Variants in PAM observed in about 807,000 individuals in gnomAD.
The protein encoded by PAM is peptidyl-glycine alpha-amidating monooxygenase.
Under a neutral mutation model 122.1 loss-of-function variants are expected in PAM, and 72 were observed. That is an observed-to-expected ratio of 0.59 (90% CI 0.49 to 0.72). The LOEUF (loss-of-function observed/expected upper bound fraction) is 0.72, where lower values mean the gene tolerates loss of function less well. Ranked by LOEUF, PAM falls within the 30% of genes least tolerant of loss-of-function variation. The pLI is 0.00. For synonymous variants in PAM, 389 were observed against 404.4 expected (o/e 0.96, Z 0.46); for missense variants, 1,106 against 1,183.7 (o/e 0.93, Z 0.96).
chr5:102,877,952 C>T (rs1253390503), intron 3 of PAM, among the ~76,000 whole-genome samples: 1 of 151,784 alleles, frequency 6.6e-6, no homozygotes, highest in African/African-American at 2.4e-5. Flanking sequence ...CTCTTGAGCC[C>T]AGGGAGTTGA....
intron 7 of PAM, among the ~76,000 whole-genome samples, chr5:102,944,078 AATT>A (rs1342616487): frequency 6.6e-6 from 1 of 152,166 alleles, no homozygotes; most frequent in African/African-American, 2.4e-5. Flanking sequence ...TCTTTTTAAA[AATT>A]ATTATTTCAA....
At chr5:102,850,264 C>T (rs1781037865) in intron 1 of PAM, among the ~76,000 whole-genome samples, 2 of 151,860 alleles carry the variant, frequency 1.3e-5, no homozygotes, top group African/African-American at 2.4e-5. Flanking sequence ...GTTTTTTAGC[C>T]CTTAGCAAAC....
intron 1 of PAM, among the ~76,000 whole-genome samples, chr5:102,855,552 T>C (rs899678710): frequency 1.3e-5 from 2 of 152,198 alleles, no homozygotes; most frequent in Non-Finnish European, 2.9e-5. Flanking sequence ...TATAGACTTT[T>C]AAAGAAAGAG....
chr5:102,885,067 A>G (rs1561760227), intron 3 of PAM, among the ~76,000 whole-genome samples: 1 of 151,476 alleles, frequency 6.6e-6, no homozygotes, highest in African/African-American at 2.4e-5. Context: ...CACTTTAGCA[A>G]CCTTGTTTAA....
In PAM at chr5:102,876,099, C is replaced by G. The variant is rs533101366; in HGVS notation, c.210+8706C>G. Among the ~76,000 whole-genome samples, 32 of 152,256 alleles carry G rather than the reference C, an allele frequency of 2.1e-4. No homozygotes were observed. The East Asian group carries it at 6.0e-3, about 28-fold the overall frequency. On this transcript the variant is annotated intron_variant, in intron 3 of 25. Coordinates refer to ENST00000438793, the MANE Select transcript of PAM (RefSeq NM_001177306.2). Reference sequence around the variant, plus strand: ...CTCTCCACCTCACTAGATGGCAATTCCCGTGGTATAATTTCTCTCGGCCAA... The same window carrying G: ...CTCTCCACCTCACTAGATGGCAATTGCCGTGGTATAATTTCTCTCGGCCAA...
At chr5:102,984,278 C>T (rs1330909438) in intron 15 of PAM, among the ~76,000 whole-genome samples, 3 of 152,200 alleles carry the variant, frequency 2.0e-5, no homozygotes, top group Non-Finnish European at 4.4e-5. Flanking sequence ...TTAAGTTTCT[C>T]ACTTATATAG....
At chr5:102,910,007 G>C (rs912788483) in intron 4 of PAM, among the ~76,000 whole-genome samples, 10 of 151,748 alleles carry the variant, frequency 6.6e-5, no homozygotes, top group African/African-American at 2.2e-4. Context: ...ATTTAGAGCT[G>C]GTTATATATA....
At chr5:102,824,620 T>G (rs1220749411) in intron 1 of PAM, among the ~76,000 whole-genome samples, 1 of 152,230 alleles carries the variant, frequency 6.6e-6, no homozygotes, top group Non-Finnish European at 1.5e-5. Flanking sequence ...GTTACTCACA[T>G]TACTCTGTTT....
intron 3 of PAM, among the ~76,000 whole-genome samples, chr5:102,889,056 A>G (rs1471863554): frequency 1.3e-5 from 2 of 151,990 alleles, no homozygotes; most frequent in African/African-American, 2.4e-5. Flanking sequence ...TTTTTAAAAT[A>G]CTAAGAACTG....
chr5:102,794,640 A>G (rs970316025), intron 1 of PAM, among the ~76,000 whole-genome samples: 10 of 152,196 alleles, frequency 6.6e-5, no homozygotes, highest in African/African-American at 2.4e-4. Context: ...TGCTGATTCC[A>G]CCACCAAAAA....
intron 5 of PAM, among the ~76,000 whole-genome samples, chr5:102,922,590 C>A (rs1337080474): frequency 2.0e-5 from 3 of 152,162 alleles, no homozygotes. Flanking sequence ...ATGACATAAT[C>A]AAATGTATAA....
At chr5:102,905,524 A>G (rs1042658646) in intron 4 of PAM, among the ~76,000 whole-genome samples, 1 of 151,738 alleles carries the variant, frequency 6.6e-6, no homozygotes, top group African/African-American at 2.4e-5. Context: ...CTTAAAGCAC[A>G]TGATCAAGTG....
chr5:102,811,226 T>TA lies in PAM; in HGVS notation c.-373-54596dup, dbSNP rs542332798. On this transcript the variant is annotated intron_variant, in intron 1 of 25. Transcript: ENST00000438793. ...CTTAAAAAGTACAAATTTATTATCT[T>TA]ACAGTTCTCTTGGTTACAAGTCTGA... 1.6e-4 allele frequency among the ~76,000 whole-genome samples: 24 copies of TA among 152,346 alleles called. No homozygotes were observed. The East Asian group carries it at 3.3e-3, about 21-fold the overall frequency.
chr5:102,849,354 C>T (rs944762119), intron 1 of PAM, among the ~76,000 whole-genome samples: 5 of 151,926 alleles, frequency 3.3e-5, no homozygotes, highest in African/African-American at 9.7e-5. Flanking sequence ...GTCAGGAGAT[C>T]GAGACCATCC....
At chr5:102,998,422 T>C (rs1428568490) in intron 16 of PAM, among the ~76,000 whole-genome samples, 3 of 152,174 alleles carry the variant, frequency 2.0e-5, no homozygotes, top group Non-Finnish European at 4.4e-5. Context: ...GCATTTGGAC[T>C]GCCACTATTA....
chr5:102,813,666 T>C (rs903186694), intron 1 of PAM, among the ~76,000 whole-genome samples: 2 of 152,178 alleles, frequency 1.3e-5, no homozygotes, highest in African/African-American at 2.4e-5. Context: ...TTTACTTTAA[T>C]TTGTGGAATG....
At chr5:102,938,915 G>A (rs1455604364) in intron 7 of PAM, among the ~76,000 whole-genome samples, 1 of 151,986 alleles carries the variant, frequency 6.6e-6, no homozygotes, top group African/African-American at 2.4e-5. Context: ...CTCTCTTCAT[G>A]GCCCTGACAT....
At chr5:103,028,319 T>A (rs1251582687) in intron 25 of PAM, 81 bp downstream of exon 25, 4 of 1,014,396 alleles carry the variant, frequency 3.9e-6, no homozygotes, top group Non-Finnish European at 6.1e-6. Flanking sequence ...AAGGAGATAT[T>A]TCATATTTTG....
intron 1 of PAM, among the ~76,000 whole-genome samples, chr5:102,788,630 C>A (rs1476986549): frequency 4.6e-5 from 7 of 152,016 alleles, no homozygotes; most frequent in African/African-American, 1.7e-4. Flanking sequence ...ATAGTGGAAT[C>A]CTTTTTTGAC....
Sources: gnomAD v4.1 joint callset for allele counts (sites outside exome capture counted in the v4.1 genomes callset) on GRCh38, gnomAD v4.1.1 for gene constraint, MANE v1.5 for transcripts, NCBI Gene and HGNC (gene_info 2026-07-23, HGNC 2026-07-21) for gene names.